The following PLPPR1 variants were observed in gnomAD, a reference collection of about 807,000 sequenced individuals.
PLPPR1 encodes phospholipid phosphatase-related protein type 1.
A neutral mutation model predicts 33.1 loss-of-function variants in PLPPR1; 10 were observed. That is an observed-to-expected ratio of 0.30 (90% CI 0.19 to 0.51). PLPPR1 has a LOEUF of 0.51. PLPPR1 is among the 20% of genes least tolerant of loss of function. The probability of loss-of-function intolerance (pLI) is 0.97; values close to 1 mark genes in which losing one functional copy is unlikely to be tolerated. For missense variants in PLPPR1, 304 were observed against 408.1 expected, an observed-to-expected ratio of 0.74 and a Z score of 2.20; for synonymous variants, 151 against 151.0, an observed-to-expected ratio of 1.00 and a Z score of 0.00.
At chr9:101,223,225 A>C (rs1038782138) in intron 2 of PLPPR1, among the ~76,000 whole-genome samples, 1 of 150,846 alleles carries the variant, frequency 6.6e-6, no homozygotes, top group African/African-American at 2.4e-5. Flanking sequence ...AGTGCCAGCT[A>C]TTTGGGAGGC....
intron 1 of PLPPR1, among the ~76,000 whole-genome samples, chr9:101,165,592 A>G (rs1182722168): frequency 1.3e-5 from 2 of 152,182 alleles, no homozygotes; most frequent in Non-Finnish European, 2.9e-5. Flanking sequence ...GCAATTCTCA[A>G]TAATAATCTG....
intron 1 of PLPPR1, among the ~76,000 whole-genome samples, chr9:101,044,150 C>T (rs1000480440): frequency 4.6e-5 from 7 of 152,134 alleles, no homozygotes; most frequent in Admixed American, 1.3e-4. Flanking sequence ...CTACAAGGAA[C>T]GCAAACAAAT....
At chr9:101,237,867 T>TAC (rs1206954266) in intron 2 of PLPPR1, among the ~76,000 whole-genome samples, 137 of 136,070 alleles carry the variant, frequency 1.0e-3, no homozygotes, top group South Asian at 2.5e-3. Context: ...TATATATATA[T>TAC]ACACACACAT....
At chr9:101,296,673 A>G (rs1408098277) in intron 4 of PLPPR1, among the ~76,000 whole-genome samples, 4 of 152,210 alleles carry the variant, frequency 2.6e-5, no homozygotes, top group African/African-American at 9.6e-5. Flanking sequence ...GGAAATCATC[A>G]TTCTCAGTAA....
At position 101,094,099 on chromosome 9, in the gene PLPPR1, G is replaced by A. The variant is rs76103488; in HGVS notation, c.-46+64997G>A. 5.3e-3 allele frequency among the ~76,000 whole-genome samples: 802 copies of A among 152,138 alleles called. 10 individuals carry two copies. The highest frequency in any genetic ancestry group is 0.019 in the African/African-American group (768 of 41,504). On this transcript the variant is annotated intron_variant, in intron 1 of 7. Coordinates refer to ENST00000374874, the MANE Select transcript of PLPPR1 (RefSeq NM_207299.2). Reference sequence around the variant, plus strand: ...CCTTCTTCCTGCCTTGCCACTCTCCGGATATTCTTCATATGGTAGCCAGAG... The same window carrying A: ...CCTTCTTCCTGCCTTGCCACTCTCCAGATATTCTTCATATGGTAGCCAGAG...
Position 101,077,578 on chromosome 9 carries a change from T to G in PLPPR1, c.-46+48476T>G, listed in dbSNP as rs113555620. ...AGAGATTAGTGTGCAGAAAATTTAT[T>G]GGAGGATGTGCTCAGAATAGCACCT... On this transcript the variant is annotated intron_variant, in intron 1 of 7. Transcript: ENST00000374874. 6.7e-3 allele frequency among the ~76,000 whole-genome samples: 1,025 copies of G among 152,262 alleles called. 3 individuals carry two copies. The highest frequency in any genetic ancestry group is 0.01 in the Middle Eastern group (3 of 294).
intron 2 of PLPPR1, among the ~76,000 whole-genome samples, chr9:101,250,090 G>A (rs1827690163): frequency 6.6e-6 from 1 of 152,002 alleles, no homozygotes; most frequent in Non-Finnish European, 1.5e-5. Flanking sequence ...GCATTTCTAC[G>A]TTAGTACCAA....
Position 101,317,473 on chromosome 9 carries a change from C to T in PLPPR1, c.922C>T (p.Pro308Ser), listed in dbSNP as rs377300989. The change falls in exon 7 of 8, where the codon CCT becomes TCT. Residue 308 changes from proline (P) to serine (S), a missense_variant. Pro to Ser is a moderately conservative substitution (Grantham distance 74, BLOSUM62 -1). Coordinates refer to ENST00000374874, the MANE Select transcript of PLPPR1 (RefSeq NM_207299.2). ...AATGGCTTTCCCAAGGATAGAAAGC[C>T]CTCTGGAAACCTTAAGTGCACAGGT... Reference protein sequence around the residue: ...PLMAFPRIESPLETLSAQNHS... With the variant: ...PLMAFPRIESSLETLSAQNHS... 90 of 1,613,692 alleles carry T rather than the reference C, an allele frequency of 5.6e-5. No homozygotes were observed. The highest frequency in any genetic ancestry group is 5.9e-5 in the Non-Finnish European group (70 of 1,179,908).
intron 2 of PLPPR1, among the ~76,000 whole-genome samples, chr9:101,231,224 C>T (rs1050044299): frequency 2.0e-5 from 3 of 151,612 alleles, no homozygotes; most frequent in Non-Finnish European, 2.9e-5. Flanking sequence ...CCAGTCCTTT[C>T]ACTGTCATGA....
At chr9:101,059,696 C>T (rs770206817) in intron 1 of PLPPR1, among the ~76,000 whole-genome samples, 3 of 151,974 alleles carry the variant, frequency 2.0e-5, no homozygotes, top group Non-Finnish European at 4.4e-5. Flanking sequence ...TTACAAATGG[C>T]CATCAGGTAT....
intron 1 of PLPPR1, among the ~76,000 whole-genome samples, chr9:101,052,626 A>T (rs34861860): frequency 6.6e-6 from 1 of 151,918 alleles, no homozygotes; most frequent in Non-Finnish European, 1.5e-5. Flanking sequence ...GCTTATTTGC[A>T]TGGTGGCAGA....
chr9:101,309,129 T>G (rs980259589), intron 4 of PLPPR1, 82 bp from the exon 5 acceptor site: 13 of 1,420,718 alleles, frequency 9.2e-6, no homozygotes, highest in Admixed American at 6.9e-5. Context: ...CATCATGGAC[T>G]CTCACCGCTG....
At chr9:101,138,776 G>C (rs908846248) in intron 1 of PLPPR1, among the ~76,000 whole-genome samples, 2 of 152,302 alleles carry the variant, frequency 1.3e-5, no homozygotes, top group Non-Finnish European at 2.9e-5. Flanking sequence ...GGATGACTAA[G>C]GCTCAGAGAA....
chr9:101,126,065 A>G (rs1831243041), intron 1 of PLPPR1: 1 of 193,420 alleles, frequency 5.2e-6, no homozygotes, highest in Non-Finnish European at 1.0e-5. Context: ...CTGTGTGTCA[A>G]TCTGTAAGCA....
chr9:101,175,664 G>A lies in PLPPR1; in HGVS notation c.-45-9786G>A, dbSNP rs1402821458. Among the ~76,000 whole-genome samples, 4 of 152,012 alleles carry A rather than the reference G, an allele frequency of 2.6e-5. No individual in the cohort carries two copies. The East Asian group carries it at 5.8e-4, about 22-fold the overall frequency. ...TTATTGCTTCTAGTCATGCCTAATG[G>A]GATACCTGGCATAATTTAAGAATAA... On this transcript the variant is annotated intron_variant, in intron 1 of 7. Transcript: ENST00000374874.
chr9:101,270,884 C>G (rs1265659714), intron 3 of PLPPR1, among the ~76,000 whole-genome samples: 2 of 152,158 alleles, frequency 1.3e-5, no homozygotes. Flanking sequence ...TAACAGCTGA[C>G]TCCCTGAACG....
At chr9:101,199,625 C>T (rs559956471) in intron 2 of PLPPR1, among the ~76,000 whole-genome samples, 1 of 152,268 alleles carries the variant, frequency 6.6e-6, no homozygotes, top group Admixed American at 6.5e-5. Flanking sequence ...GTTAACTCAT[C>T]CATATACTCA....
At chr9:101,096,533 G>T (rs1187791408) in intron 1 of PLPPR1, among the ~76,000 whole-genome samples, 1 of 152,156 alleles carries the variant, frequency 6.6e-6, no homozygotes, top group East Asian at 1.9e-4. Flanking sequence ...CTGCAAAAGG[G>T]TAGGTAATAG....
At chr9:101,311,655 A>G (rs1828958643) in intron 5 of PLPPR1, among the ~76,000 whole-genome samples, 1 of 152,218 alleles carries the variant, frequency 6.6e-6, no homozygotes, top group Admixed American at 6.5e-5. Context: ...GGAATCTGTT[A>G]TATAGAAGAG....
Sources: allele counts gnomAD v4.1 joint callset (sites outside exome capture counted in the v4.1 genomes callset), GRCh38; gene constraint gnomAD v4.1.1; transcripts MANE v1.5; gene names NCBI Gene and HGNC (gene_info 2026-07-23, HGNC 2026-07-21).